The following MARK3 variants were observed in gnomAD, a reference collection of about 807,000 sequenced individuals.
The protein encoded by MARK3 is MAP/microtubule affinity-regulating kinase 3.
MARK3 carries 46 observed loss-of-function variants against 90.1 expected under a neutral mutation model. The ratio of observed to expected loss-of-function variants is 0.51; its 90% CI spans 0.40 to 0.65. MARK3 has a LOEUF of 0.65. MARK3 is among the 30% of genes least tolerant of loss of function. The probability of loss-of-function intolerance (pLI) is 0.00; values close to 1 mark genes in which losing one functional copy is unlikely to be tolerated. For missense variants in MARK3, 818 were observed against 947.2 expected (o/e 0.86, Z 1.79); for synonymous variants, 321 against 332.6 (o/e 0.97, Z 0.38).
chr14:103,418,192 C>A (rs2092036553), intron 2 of MARK3, among the ~76,000 whole-genome samples: 1 of 132,748 alleles, frequency 7.5e-6, no homozygotes, highest in Non-Finnish European at 1.6e-5. Context: ...GTTGTTTCTT[C>A]TGCTGACTCC....
intron 2 of MARK3, among the ~76,000 whole-genome samples, chr14:103,407,971 C>G (rs1024743398): frequency 6.6e-6 from 1 of 152,090 alleles, no homozygotes; most frequent in African/African-American, 2.4e-5. Flanking sequence ...TGACAAATCC[C>G]CTTTCCCCAG....
intron 1 of MARK3, among the ~76,000 whole-genome samples, chr14:103,402,248 C>T (rs2091006542): frequency 6.6e-6 from 1 of 152,008 alleles, no homozygotes; most frequent in African/African-American, 2.4e-5. Flanking sequence ...ACATTGGATG[C>T]CTGTGAATCT....
intron 13 of MARK3, among the ~76,000 whole-genome samples, chr14:103,476,769 T>C (rs2093722019): frequency 6.6e-6 from 1 of 152,174 alleles, no homozygotes; most frequent in Non-Finnish European, 1.5e-5. Context: ...TTCTGGGGAC[T>C]GGGTGCATGA....
chr14:103,488,184 C>T (rs948795862), intron 14 of MARK3, among the ~76,000 whole-genome samples: 3 of 152,144 alleles, frequency 2.0e-5, no homozygotes, highest in African/African-American at 7.2e-5. Flanking sequence ...AAAACCCAGT[C>T]TAAACAGGCT....
chr14:103,498,470 ATTTT>A, intron 15 of MARK3, 28 bp from the exon 16 acceptor site: 4 of 1,052,500 alleles, frequency 3.8e-6, no homozygotes, highest in South Asian at 2.1e-5. Flanking sequence ...ATTTTTGTTA[ATTTT>A]TTTTTTTTTT....
At chr14:103,498,435 A>C (rs918351492) in intron 15 of MARK3, 67 bp from the exon 16 acceptor site, 1 of 1,096,632 alleles carries the variant, frequency 9.1e-7, no homozygotes, top group African/African-American at 1.7e-5. Flanking sequence ...AATTGATTAG[A>C]TTTTCTGTTT....
chr14:103,390,204 CGCCACTGCACTCCA>C (rs2090144768), intron 1 of MARK3, among the ~76,000 whole-genome samples: 1 of 142,448 alleles, frequency 7.0e-6, no homozygotes, highest in Non-Finnish European at 1.5e-5. Flanking sequence ...GCCAAGATGG[CGCCACTGCACTCCA>C]GCCTGGGCGA....
intron 3 of MARK3, among the ~76,000 whole-genome samples, chr14:103,434,285 C>A (rs1410966232): frequency 6.6e-6 from 1 of 152,132 alleles, no homozygotes; most frequent in African/African-American, 2.4e-5. Flanking sequence ...TCTACCATAC[C>A]CAAATCGCAA....
intron 12 of MARK3, among the ~76,000 whole-genome samples, chr14:103,472,641 C>T (rs1274571220): frequency 5.4e-5 from 5 of 93,328 alleles, no homozygotes; most frequent in Admixed American, 1.3e-4. Flanking sequence ...GAGCGAGGCT[C>T]CATCTCAAAA....
intron 15 of MARK3, among the ~76,000 whole-genome samples, chr14:103,497,785 A>C (rs778932310): frequency 6.6e-6 from 1 of 152,200 alleles, no homozygotes; most frequent in African/African-American, 2.4e-5. Flanking sequence ...AATATTTTAT[A>C]ATGAAATTTT....
At chr14:103,411,896 C>CA (rs1218040469) in intron 2 of MARK3, among the ~76,000 whole-genome samples, 3 of 151,542 alleles carry the variant, frequency 2.0e-5, no homozygotes, top group Non-Finnish European at 4.4e-5. Flanking sequence ...GCTGGGATTA[C>CA]AGGTGTGAGC....
At chr14:103,426,098 A>G (rs2092393310) in intron 2 of MARK3, among the ~76,000 whole-genome samples, 2 of 152,186 alleles carry the variant, frequency 1.3e-5, no homozygotes, top group Non-Finnish European at 2.9e-5. Flanking sequence ...CTAGTAAAAC[A>G]TTTGCTTTTT....
intron 5 of MARK3, among the ~76,000 whole-genome samples, chr14:103,453,339 A>T (rs2093199714): frequency 6.6e-6 from 1 of 152,372 alleles, no homozygotes; most frequent in East Asian, 1.9e-4. Flanking sequence ...GATAAGAATT[A>T]GACTGCATTT....
chr14:103,420,536 T>G lies in MARK3; in HGVS notation c.244-7851T>G, dbSNP rs564265986. ...ATGAGCCACCACACCTGGCCAACAC[T>G]TTTTTTGTGTGTGTGGTAAAATACA... On this transcript the variant is annotated intron_variant, in intron 2 of 17. Transcript: ENST00000429436. Among the ~76,000 whole-genome samples, 12 of 152,278 alleles carry G rather than the reference T, an allele frequency of 7.9e-5. No individual in the cohort carries two copies. The South Asian group carries it at 2.5e-3, about 32-fold the overall frequency.
chr14:103,458,454 CAAAAAAA>C (rs36020485), intron 6 of MARK3, among the ~76,000 whole-genome samples: 4 of 30,784 alleles, frequency 1.3e-4, no homozygotes, highest in Middle Eastern at 0.042. Context: ...GACTCCATCT[CAAAAAAA>C]AAAAAAAAAA....
At chr14:103,494,439 G>A (rs1211774168) in intron 15 of MARK3, among the ~76,000 whole-genome samples, 2 of 150,230 alleles carry the variant, frequency 1.3e-5, no homozygotes, top group Non-Finnish European at 3.0e-5. Context: ...TAATCCCAGG[G>A]AGACTGAGGC....
At chr14:103,395,170 G>A (rs953294284) in intron 1 of MARK3, among the ~76,000 whole-genome samples, 1 of 152,130 alleles carries the variant, frequency 6.6e-6, no homozygotes, top group Non-Finnish European at 1.5e-5. Context: ...AAGACTGATC[G>A]AGATAAAGAT....
intron 2 of MARK3, among the ~76,000 whole-genome samples, chr14:103,419,644 A>G (rs1351454750): frequency 5.3e-5 from 8 of 152,112 alleles, no homozygotes; most frequent in Admixed American, 3.3e-4. Context: ...TACAAAAGGA[A>G]GGGAGCATAT....
At chr14:103,496,475 C>T (rs2075347093) in intron 15 of MARK3, among the ~76,000 whole-genome samples, 3 of 151,640 alleles carry the variant, frequency 2.0e-5, no homozygotes, top group South Asian at 2.1e-4. Flanking sequence ...TGCAGTGGCA[C>T]GATCTTGGTT....
Sources: allele counts gnomAD v4.1 joint callset (sites outside exome capture counted in the v4.1 genomes callset), GRCh38; gene constraint gnomAD v4.1.1; transcripts MANE v1.5; gene names NCBI Gene and HGNC (gene_info 2026-07-23, HGNC 2026-07-21).